DHX29: variants seen among roughly 807,000 people sequenced by gnomAD.
DHX29 encodes DExH-box helicase 29, also known as ATP-dependent RNA helicase DHX29.
Under a neutral mutation model 167.9 loss-of-function variants are expected in DHX29, and 79 were observed. That is an observed-to-expected ratio of 0.47 (90% confidence interval 0.39 to 0.57). The LOEUF (loss-of-function observed/expected upper bound fraction) is 0.57, where lower values mean the gene tolerates loss of function less well. Ranked by LOEUF, DHX29 falls within the 20% of genes least tolerant of loss-of-function variation. DHX29 has a pLI of 0.00. For synonymous variants in DHX29, 530 were observed against 546.0 expected, an observed-to-expected ratio of 0.97 and a Z score of 0.41; for missense variants, 1,347 against 1,593.4, an observed-to-expected ratio of 0.85 and a Z score of 2.63.
intron 1 of DHX29, among the ~76,000 whole-genome samples, chr5:55,302,469 T>C (rs1442243336): frequency 6.6e-6 from 1 of 151,564 alleles, no homozygotes; most frequent in African/African-American, 2.4e-5. Context: ...AAATACAAAA[T>C]ATTAGCTAGG....
chr5:55,259,515 T>C (rs1746207411), intron 26 of DHX29, among the ~76,000 whole-genome samples: 1 of 152,198 alleles, frequency 6.6e-6, no homozygotes, highest in African/African-American at 2.4e-5. Flanking sequence ...AGTGCAATCA[T>C]GTGATCTTGG....
chr5:55,290,304 G>C lies in DHX29; in HGVS notation c.821C>G (p.Ala274Gly). The C allele has an allele frequency of 6.2e-7, 1 of 1,610,668 alleles. No individual in the cohort carries two copies. Among genetic ancestry groups the C allele is most frequent in the Non-Finnish European group, 8.5e-7 (1 of 1,179,188 alleles). The change falls in exon 7 of 27, where the codon GCA becomes GGA. Residue 274 changes from alanine to glycine, a missense_variant. By Grantham distance (60) the Ala-to-Gly change is moderately conservative (BLOSUM62 0). Transcript: ENST00000251636. Reference sequence around the variant, plus strand: ...TTTAAAGGTAGCTGCTTGTTCTTTTGCATCCAGCAGTTTTGCTGCAAGATG... The same window carrying C: ...TTTAAAGGTAGCTGCTTGTTCTTTTCCATCCAGCAGTTTTGCTGCAAGATG... ...YLHLAAKLLD[A>G]KEQAATFKLE... is the part of the protein sequence containing the mutation.
At chr5:55,285,654 G>T in intron 9 of DHX29, 42 bp downstream of exon 9, 1 of 1,515,950 alleles carries the variant, frequency 6.6e-7, no homozygotes, top group Middle Eastern at 2.5e-4. Context: ...TTTTTCTAAA[G>T]TTCATTCAGT....
chr5:55,289,079 T>C (rs753706174), intron 8 of DHX29, among the ~76,000 whole-genome samples, 191 bp downstream of exon 8: 6 of 152,248 alleles, frequency 3.9e-5, no homozygotes, highest in Admixed American at 6.5e-5. Flanking sequence ...AAGATATTTA[T>C]TTGTAATTAC....
chr5:55,263,173 T>C (rs578229206), intron 23 of DHX29, among the ~76,000 whole-genome samples: 2 of 152,252 alleles, frequency 1.3e-5, no homozygotes, highest in East Asian at 1.9e-4. Context: ...TGTCTAAAAT[T>C]TGAGAGCCAG....
chr5:55,263,914 A>G (rs553623938), intron 23 of DHX29, among the ~76,000 whole-genome samples: 88 of 151,446 alleles, frequency 5.8e-4, no homozygotes, highest in South Asian at 3.8e-3. Flanking sequence ...AGTGTGTCAA[A>G]TATGGGAAAA....
chr5:55,280,449 A>G (rs1747344400), intron 12 of DHX29, among the ~76,000 whole-genome samples: 1 of 152,198 alleles, frequency 6.6e-6, no homozygotes. Flanking sequence ...AGCTTAATTT[A>G]AGAATGGTAA....
rs550237034 is a variant in DHX29, at chr5:55,256,552, G to GA, written c.4058-13dup. 3.1e-3 allele frequency: 4,358 copies of GA among 1,385,830 alleles called. No homozygotes were observed. Among genetic ancestry groups the GA allele is most frequent in the South Asian group, 6.8e-3 (475 of 69,468 alleles). 85.8% of individuals were successfully genotyped at this position (1,385,830 alleles called of 1,614,324 possible). A position where few individuals can be genotyped will look rare whatever the true frequency, so the allele number is the denominator to read the frequency against. ...CAGAATCTTGTCATCTGAGTGGAAG[G>GA]AAAAAAAAAAGCCACGAATAAATGC... On this transcript the variant is annotated splice_polypyrimidine_tract_variant and intron_variant, in intron 26 of 26. Coordinates refer to ENST00000251636, the MANE Select transcript of DHX29 (RefSeq NM_019030.4).
chr5:55,262,645 G>C lies in DHX29; in HGVS notation c.3813C>G (p.Leu1271=). The C allele has an allele frequency of 2.5e-6, 4 of 1,613,986 alleles. No individual in the cohort carries two copies. Among genetic ancestry groups the C allele is most frequent in the Non-Finnish European group, 3.4e-6 (4 of 1,179,914 alleles). ...VNRDLQTHGW[L]LYQEKIRYAR... ...AGTACTTCACCTTCTCCTGGTATAAGAGCCATCCATGAGTTTGCAAATCTC... is the reference window on the plus strand; with the variant it reads ...AGTACTTCACCTTCTCCTGGTATAACAGCCATCCATGAGTTTGCAAATCTC... Residue 1271 remains leucine, a synonymous_variant, in exon 24 of 27, where the codon CTC becomes CTG. Transcript: ENST00000251636.
rs118180935 is a variant in DHX29, at chr5:55,291,057, T to A, written c.781-713A>T. On this transcript the variant is annotated intron_variant, in intron 6 of 26. Coordinates refer to ENST00000251636, the MANE Select transcript of DHX29 (RefSeq NM_019030.4). ...TAAGTATGTGTATTTAAAGGATTAT[T>A]CATGCAGTAATAATAATACTCATCT... Among the ~76,000 whole-genome samples, 51 of 152,290 alleles carry A rather than the reference T, an allele frequency of 3.3e-4. 1 individual carries two copies. In the East Asian group the frequency reaches 9.8e-3, roughly 29 times the overall value.
At chr5:55,262,487 G>A in intron 24 of DHX29, 143 bp downstream of exon 24, 2 of 1,029,686 alleles carry the variant, frequency 1.9e-6, no homozygotes, top group Non-Finnish European at 1.4e-6. Context: ...GAGAAGCTAT[G>A]TGCATCTTGA....
At chr5:55,270,154 C>G (rs1374652313) in intron 20 of DHX29, among the ~76,000 whole-genome samples, 3 of 151,750 alleles carry the variant, frequency 2.0e-5, no homozygotes, top group African/African-American at 7.3e-5. Flanking sequence ...GCCCAATGTC[C>G]CCTGGTAGGC....
chr5:55,286,300 T>C (rs552797362), intron 8 of DHX29, among the ~76,000 whole-genome samples: 50 of 151,928 alleles, frequency 3.3e-4, no homozygotes, highest in Admixed American at 1.2e-3. Context: ...ATAGAAAAGC[T>C]TGATTTTCTT....
chr5:55,269,009 A>G (rs1014383020), intron 21 of DHX29, among the ~76,000 whole-genome samples: 4 of 151,928 alleles, frequency 2.6e-5, no homozygotes, highest in African/African-American at 9.7e-5. Flanking sequence ...TCAAGTATAT[A>G]AATATAAAAA....
chr5:55,286,552 C>A (rs1394820612), intron 8 of DHX29, among the ~76,000 whole-genome samples: 2 of 152,200 alleles, frequency 1.3e-5, no homozygotes, highest in African/African-American at 4.8e-5. Context: ...CAGCACTACC[C>A]TCAACAGCTT....
chr5:55,279,507 ATTT>A (rs1049096924), intron 12 of DHX29: 3 of 151,866 alleles, frequency 2.0e-5, no homozygotes, highest in African/African-American at 7.3e-5. Context: ...ACAAATAAGG[ATTT>A]TTTGTTTGTT....
chr5:55,292,688 T>C (rs1748111024), intron 6 of DHX29, among the ~76,000 whole-genome samples: 1 of 152,174 alleles, frequency 6.6e-6, no homozygotes, highest in South Asian at 2.1e-4. Flanking sequence ...AGTACTCATC[T>C]ATACATCTTA....
intron 18 of DHX29, 133 bp from the exon 19 acceptor site, chr5:55,270,839 A>G (rs1323054575): frequency 3.2e-6 from 2 of 633,462 alleles, no homozygotes; most frequent in Non-Finnish European, 5.6e-6. Context: ...ATAGTTCTCA[A>G]ATTATGCTTC....
rs967856820 is a variant in DHX29 at position 55,307,388 on chromosome 5, T to C, written c.186A>G (p.Gln62=). The C allele has an allele frequency of 1.9e-6, 3 of 1,612,634 alleles. No homozygotes were observed. Among genetic ancestry groups the C allele is most frequent in the Non-Finnish European group, 2.5e-6 (3 of 1,179,524 alleles). ...CAGGGGCTGGGGGACCTCTCGTACC[T>C]TGCTTGACACGGGGCTCCCTGGAGC... is the stretch of plus-strand genomic sequence containing the variant. ...AAGSREPRVK[Q]GPKIYSFNST... is the part of the protein sequence containing the mutation. The change falls in exon 1 of 27, where the codon CAA becomes CAG. Residue 62 remains glutamine, a splice_region_variant and synonymous_variant. Coordinates refer to ENST00000251636, the MANE Select transcript of DHX29 (RefSeq NM_019030.4).
Sources: gnomAD v4.1 joint callset for allele counts (sites outside exome capture counted in the v4.1 genomes callset) on GRCh38, gnomAD v4.1.1 for gene constraint, MANE v1.5 for transcripts, NCBI Gene and HGNC (gene_info 2026-07-23, HGNC 2026-07-21) for gene names.